NXN: variants seen among roughly 807,000 people sequenced by gnomAD.
The protein encoded by NXN is nucleoredoxin.
Under a neutral mutation model 48.6 loss-of-function variants are expected in NXN, and 16 were observed. The ratio of observed to expected loss-of-function variants is 0.33; its 90% confidence interval spans 0.22 to 0.50. NXN has a LOEUF of 0.50. Ranked by LOEUF, NXN falls within the 20% of genes least tolerant of loss-of-function variation. The probability of loss-of-function intolerance (pLI) is 0.98; values close to 1 mark genes in which losing one functional copy is unlikely to be tolerated. For missense variants in NXN, 492 were observed against 605.5 expected, an observed-to-expected ratio of 0.81 and a Z score of 1.97; for synonymous variants, 281 against 269.6, an observed-to-expected ratio of 1.04 and a Z score of -0.41.
At chr17:974,481 A>T (rs1382786573) in intron 1 of NXN, among the ~76,000 whole-genome samples, 1 of 152,130 alleles carries the variant, frequency 6.6e-6, no homozygotes. Flanking sequence ...TCATTTATCT[A>T]AACACAATAA....
intron 1 of NXN, among the ~76,000 whole-genome samples, chr17:948,197 G>A (rs1168597836): frequency 6.6e-6 from 1 of 152,062 alleles, no homozygotes; most frequent in African/African-American, 2.4e-5. Context: ...CATTGTATTA[G>A]GAATTATAAG....
At position 919,551 on chromosome 17, in the gene NXN, C is replaced by T. The variant is rs1386509326; in HGVS notation, c.360+59768G>A. On this transcript the variant is annotated intron_variant, in intron 1 of 7. Coordinates refer to ENST00000336868, the MANE Select transcript of NXN (RefSeq NM_022463.5). This position sits in a 1 kb window ranked among gnomAD's most constrained non-coding sequence, Gnocchi z 5.1. The stretch of plus-strand genomic sequence containing the variant: ...GCAGTTTTGGGAGGACGCAGTCAAA[C>T]GGCTTTCTACAGCACCTCCTCGTAT... Among the ~76,000 whole-genome samples the T allele has an allele frequency of 6.6e-6, 1 of 152,060 alleles. No individual in the cohort carries two copies. Among genetic ancestry groups the T allele is most frequent in the Non-Finnish European group, 1.5e-5 (1 of 68,022 alleles).
At chr17:926,551 TTG>T (rs1350515042) in intron 1 of NXN, among the ~76,000 whole-genome samples, 25 of 135,226 alleles carry the variant, frequency 1.8e-4, no homozygotes, top group South Asian at 7.4e-4. Flanking sequence ...TTTTGTTTTT[TTG>T]TTTTTTTTTT....
chr17:890,871 C>A (rs535628301), intron 1 of NXN, among the ~76,000 whole-genome samples: 2 of 152,234 alleles, frequency 1.3e-5, no homozygotes, highest in East Asian at 3.9e-4. Context: ...GGATAGAATT[C>A]TTGCTCCTAT....
rs117440175 is a variant in NXN at position 971,001 on chromosome 17, C to T, written c.360+8318G>A. 5.9e-3 allele frequency among the ~76,000 whole-genome samples: 855 copies of T among 144,418 alleles called. 12 individuals are homozygous for T. Among genetic ancestry groups the T allele is most frequent in the South Asian group, 0.034 (153 of 4,510 alleles). 94.7% of individuals were successfully genotyped at this position (144,418 alleles called of 152,430 possible). A position where few individuals can be genotyped will look rare whatever the true frequency, so the allele number is the denominator to read the frequency against. On this transcript the variant is annotated intron_variant, in intron 1 of 7. Transcript: ENST00000336868. ...CACTCTTATTCCCCAGGCTGGAGTA[C>T]AGTGGTGCGATCTCGGCTCAATGCA...
At chr17:922,272 T>C (rs2068757235) in intron 1 of NXN, among the ~76,000 whole-genome samples, 1 of 151,962 alleles carries the variant, frequency 6.6e-6, no homozygotes, top group Non-Finnish European at 1.5e-5. Flanking sequence ...TGAAACCTCA[T>C]CTCTAAAAAT....
intron 1 of NXN, among the ~76,000 whole-genome samples, chr17:848,319 T>C (rs906386656): frequency 1.3e-5 from 2 of 152,164 alleles, no homozygotes; most frequent in African/African-American, 4.8e-5. Flanking sequence ...TTTGTATTTT[T>C]AGGAGAGACA....
chr17:822,628 C>T (rs548554372), intron 3 of NXN, among the ~76,000 whole-genome samples, 171 bp from the exon 4 acceptor site: 5 of 152,082 alleles, frequency 3.3e-5, no homozygotes, highest in East Asian at 3.9e-4. Context: ...AGGCTGAGGT[C>T]AGAAGATCGC....
At chr17:969,060 G>A (rs1224267022) in intron 1 of NXN, among the ~76,000 whole-genome samples, 1 of 152,156 alleles carries the variant, frequency 6.6e-6, no homozygotes, top group Non-Finnish European at 1.5e-5. Flanking sequence ...TTGGAATGGG[G>A]GAGGGGTACA....
intron 1 of NXN, among the ~76,000 whole-genome samples, chr17:941,378 T>C (rs1297005280): frequency 6.9e-6 from 1 of 144,130 alleles, no homozygotes; most frequent in African/African-American, 2.7e-5. Context: ...GATTCCAGGG[T>C]GCAGCCATGA....
At chr17:918,275 C>G (rs1488073619) in intron 1 of NXN, among the ~76,000 whole-genome samples, 1 of 152,144 alleles carries the variant, frequency 6.6e-6, no homozygotes, top group Non-Finnish European at 1.5e-5. Flanking sequence ...GGGGTCTGGT[C>G]TTGATTAAGA....
intron 1 of NXN, among the ~76,000 whole-genome samples, chr17:971,160 G>A (rs2150640615): frequency 6.6e-6 from 1 of 151,952 alleles, no homozygotes; most frequent in East Asian, 2.0e-4. Flanking sequence ...TGGTCAGGTT[G>A]GTCTAGAACT....
At chr17:894,746 C>A (rs113425187) in intron 1 of NXN, among the ~76,000 whole-genome samples, 2 of 151,976 alleles carry the variant, frequency 1.3e-5, no homozygotes, top group South Asian at 4.1e-4. Flanking sequence ...CAGGGACGGG[C>A]GGAGACATGA....
intron 6 of NXN, 53 bp from the exon 7 acceptor site, chr17:803,859 C>T (rs1567806889): frequency 1.4e-5 from 22 of 1,605,832 alleles, no homozygotes; most frequent in Non-Finnish European, 1.8e-5. Context: ...ACTGGCTTGT[C>T]AAACAGAGCG....
At chr17:973,324 G>A (rs183393221) in intron 1 of NXN, among the ~76,000 whole-genome samples, 98 of 152,256 alleles carry the variant, frequency 6.4e-4, no homozygotes, top group Non-Finnish European at 1.0e-3. Context: ...CATTTCCCAC[G>A]CGAAACAGCA....
At chr17:973,904 C>G (rs1404134746) in intron 1 of NXN, among the ~76,000 whole-genome samples, 1 of 151,708 alleles carries the variant, frequency 6.6e-6, no homozygotes, top group Non-Finnish European at 1.5e-5. Flanking sequence ...GTCTTGAACT[C>G]CTGACCTCAA....
rs1320126794 is a variant in NXN at position 817,518 on chromosome 17, A to T, written c.820+1921T>A. 3.3e-5 allele frequency among the ~76,000 whole-genome samples: 5 copies of T among 151,840 alleles called. No individual in the cohort carries two copies. In the East Asian group the frequency reaches 9.7e-4, roughly 30 times the overall value. On this transcript the variant is annotated intron_variant, in intron 5 of 7. Coordinates refer to ENST00000336868, the MANE Select transcript of NXN (RefSeq NM_022463.5). ...CCCCATCTCTACTAAAAATACAAAA[A>T]ATTTAGCCGGGCGTGTGGTGGGTGC... is the stretch of plus-strand genomic sequence containing the variant.
At chr17:811,919 G>GC (rs1912038361) in intron 5 of NXN, among the ~76,000 whole-genome samples, 1 of 125,602 alleles carries the variant, frequency 8.0e-6, no homozygotes, top group Non-Finnish European at 1.6e-5. Context: ...ACCCAGTTCT[G>GC]CTTTTTTTTT....
At chr17:819,579 G>C (rs377277275) in intron 4 of NXN, 34 bp from the exon 5 acceptor site, 19 of 1,442,358 alleles carry the variant, frequency 1.3e-5, no homozygotes, top group Middle Eastern at 1.8e-4. Context: ...GCAAGGCTCA[G>C]TATCCCCACT....
Sources: allele counts gnomAD v4.1 joint callset (sites outside exome capture counted in the v4.1 genomes callset), GRCh38; gene constraint gnomAD v4.1.1; non-coding constraint Gnocchi (gnomAD v3.1); transcripts MANE v1.5; gene names NCBI Gene and HGNC (gene_info 2026-07-23, HGNC 2026-07-21).